CDKAL1: variants seen among roughly 807,000 people sequenced by gnomAD.
CDKAL1 encodes CDKAL1 threonylcarbamoyladenosine tRNA methylthiotransferase, also known as threonylcarbamoyladenosine tRNA methylthiotransferase.
Under a neutral mutation model 68.2 loss-of-function variants are expected in CDKAL1, and 32 were observed. The observed-to-expected ratio is 0.47, with a 90% confidence interval of 0.35 to 0.63. The LOEUF (loss-of-function observed/expected upper bound fraction) is 0.63, where lower values mean the gene tolerates loss of function less well. Among genes scored for constraint, CDKAL1 ranks in the 30% least tolerant of loss-of-function variants. The probability of loss-of-function intolerance (pLI) is 0.00; values close to 1 mark genes in which losing one functional copy is unlikely to be tolerated. For missense variants in CDKAL1, 606 were observed against 696.7 expected, an observed-to-expected ratio of 0.87 and a Z score of 1.47; for synonymous variants, 234 against 244.3, an observed-to-expected ratio of 0.96 and a Z score of 0.39.
chr6:20,967,046 T>C (rs1307478491), intron 10 of CDKAL1, among the ~76,000 whole-genome samples: 3 of 152,234 alleles, frequency 2.0e-5, no homozygotes, highest in Non-Finnish European at 4.4e-5. Context: ...TTACTGACAA[T>C]ACTTGGCATT....
chr6:20,832,935 G>A (rs1385077418), intron 8 of CDKAL1, among the ~76,000 whole-genome samples: 1 of 152,106 alleles, frequency 6.6e-6, no homozygotes, highest in Non-Finnish European at 1.5e-5. Context: ...ATGGTCCTGA[G>A]TGCAATTTTG....
intron 8 of CDKAL1, among the ~76,000 whole-genome samples, chr6:20,810,443 CACGT>C (rs1483537853): frequency 3.4e-5 from 4 of 116,872 alleles, no homozygotes; most frequent in African/African-American, 9.2e-5. Context: ...CACACACACA[CACGT>C]GGTGTCATGT....
At chr6:20,646,336 T>G (rs2127756990) in intron 4 of CDKAL1, among the ~76,000 whole-genome samples, 1 of 151,350 alleles carries the variant, frequency 6.6e-6, no homozygotes, top group East Asian at 1.9e-4. Flanking sequence ...ATTACAGGTG[T>G]GAGCCACTGC....
chr6:21,175,690 C>T (rs1190180381), intron 13 of CDKAL1, among the ~76,000 whole-genome samples: 1 of 152,072 alleles, frequency 6.6e-6, no homozygotes, highest in South Asian at 2.1e-4. Context: ...TTAAAGTTAC[C>T]ATCTTAGCTG....
At chr6:20,732,576 T>C (rs1202243765) in intron 5 of CDKAL1, among the ~76,000 whole-genome samples, 1 of 151,870 alleles carries the variant, frequency 6.6e-6, no homozygotes, top group Non-Finnish European at 1.5e-5. Flanking sequence ...CGTGAGCCAC[T>C]ATGCCTGGCT....
intron 5 of CDKAL1, among the ~76,000 whole-genome samples, chr6:20,731,639 A>G (rs1182107735): frequency 1.3e-5 from 2 of 152,212 alleles, no homozygotes; most frequent in Admixed American, 6.5e-5. Flanking sequence ...TAGGTAGTAT[A>G]TATGCTTCAT....
chr6:20,688,932 A>G (rs961993520), intron 5 of CDKAL1, among the ~76,000 whole-genome samples: 20 of 152,220 alleles, frequency 1.3e-4, no homozygotes, highest in African/African-American at 4.8e-4. Context: ...ATTAGGTCTC[A>G]GTCCTTTAGT....
chr6:20,903,646 A>G (rs902268757), intron 9 of CDKAL1, among the ~76,000 whole-genome samples: 1 of 152,222 alleles, frequency 6.6e-6, no homozygotes, highest in African/African-American at 2.4e-5. Context: ...ATAGAAAATG[A>G]GTTTTATTCA....
At chr6:21,029,173 G>A (rs1769125535) in intron 11 of CDKAL1, among the ~76,000 whole-genome samples, 1 of 152,066 alleles carries the variant, frequency 6.6e-6, no homozygotes. Context: ...TCAGCCTCCT[G>A]AGTAGCTGGG....
At chr6:20,563,411 AG>A (rs58102569) in intron 4 of CDKAL1, among the ~76,000 whole-genome samples, 35,618 of 152,170 alleles carry the variant, frequency 0.23, 5,058 homozygotes, top group East Asian at 0.53. Context: ...CTTTAGGGAG[AG>A]TATTTGAAGC....
At chr6:20,984,937 T>C (rs928300192) in intron 10 of CDKAL1, among the ~76,000 whole-genome samples, 7 of 152,124 alleles carry the variant, frequency 4.6e-5, no homozygotes, top group Non-Finnish European at 8.8e-5. Flanking sequence ...ACCAGGGACC[T>C]GCCCTTTTCT....
intron 11 of CDKAL1, among the ~76,000 whole-genome samples, chr6:21,032,826 T>G (rs1356377734): frequency 6.6e-6 from 1 of 152,214 alleles, no homozygotes; most frequent in African/African-American, 2.4e-5. Flanking sequence ...AATCACCTAA[T>G]GACACCTGTC....
chr6:20,605,900 G>A (rs1241420265), intron 4 of CDKAL1, among the ~76,000 whole-genome samples: 2 of 152,160 alleles, frequency 1.3e-5, no homozygotes, highest in East Asian at 1.9e-4. Flanking sequence ...GCTGAGTACT[G>A]TAATTACTCC....
chr6:20,921,756 T>A (rs1762966362), intron 9 of CDKAL1, among the ~76,000 whole-genome samples: 2 of 152,158 alleles, frequency 1.3e-5, no homozygotes, highest in Non-Finnish European at 2.9e-5. Context: ...TTTCTCAGAT[T>A]TGGGCTTTAC....
chr6:20,731,386 A>C (rs1335774194), intron 5 of CDKAL1, among the ~76,000 whole-genome samples: 1 of 152,140 alleles, frequency 6.6e-6, no homozygotes, highest in African/African-American at 2.4e-5. Context: ...AGTGGCTTAA[A>C]CCTGGACATA....
At chr6:21,230,095 CA>C (rs1779898593) in intron 15 of CDKAL1, among the ~76,000 whole-genome samples, 1 of 152,186 alleles carries the variant, frequency 6.6e-6, no homozygotes, top group African/African-American at 2.4e-5. Flanking sequence ...CCTCCTGTGG[CA>C]GCAGACCAGC....
At chr6:20,938,306 A>G (rs563082575) in intron 9 of CDKAL1, among the ~76,000 whole-genome samples, 1 of 152,172 alleles carries the variant, frequency 6.6e-6, no homozygotes, top group East Asian at 1.9e-4. Flanking sequence ...CTTACTTTGT[A>G]CTTTCTGTAA....
chr6:20,891,449 C>T (rs531420068), intron 9 of CDKAL1, among the ~76,000 whole-genome samples: 5 of 152,226 alleles, frequency 3.3e-5, no homozygotes, highest in African/African-American at 1.2e-4. Flanking sequence ...ACCCAACAGA[C>T]GCCGGGTGGC....
chr6:20,709,690 G>A (rs1771756761), intron 5 of CDKAL1, among the ~76,000 whole-genome samples: 1 of 152,094 alleles, frequency 6.6e-6, no homozygotes, highest in Non-Finnish European at 1.5e-5. Context: ...TGGGTTAATT[G>A]AACTCATTGT....
Sources: gnomAD v4.1 joint callset for allele counts (sites outside exome capture counted in the v4.1 genomes callset) on GRCh38, gnomAD v4.1.1 for gene constraint, MANE v1.5 for transcripts, NCBI Gene and HGNC (gene_info 2026-07-23, HGNC 2026-07-21) for gene names.